Variants in TCTN1 observed in about 807,000 individuals in gnomAD.
TCTN1 encodes tectonic family member 1, also known as tectonic-1.
In TCTN1, 58 loss-of-function variants were observed where a neutral mutation model predicts 65.8. The ratio of observed to expected loss-of-function variants is 0.88; its 90% confidence interval spans 0.71 to 1.10. TCTN1 has a LOEUF of 1.10. TCTN1 is among the 50% of genes least tolerant of loss of function. The pLI is 0.00. For synonymous variants in TCTN1, 273 were observed against 289.1 expected, an observed-to-expected ratio of 0.94 and a Z score of 0.57; for missense variants, 645 against 719.4, an observed-to-expected ratio of 0.90 and a Z score of 1.18.
chr12:110,616,725 A>G (rs1015623805), intron 1 of TCTN1: 3 of 152,336 alleles, frequency 2.0e-5, no homozygotes, highest in Non-Finnish European at 4.4e-5. Flanking sequence ...TTTCAGGTGG[A>G]TAAATTATTT....
rs2065840091 is a variant in TCTN1, at chr12:110,626,343, T to C, written c.342-19T>C. The C allele has an allele frequency of 1.9e-6, 3 of 1,551,904 alleles. No homozygotes were observed. In the Admixed American group the frequency reaches 5.9e-5, roughly 30 times the overall value. On this transcript the variant is annotated intron_variant, in intron 2 of 14. Transcript: ENST00000397659. Reference sequence around the variant, plus strand: ...GCTTATGTCTTGTAACTTTGTATTATTATTTTTTTAATTTTCAGGGGCGAC... The same window carrying C: ...GCTTATGTCTTGTAACTTTGTATTACTATTTTTTTAATTTTCAGGGGCGAC...
chr12:110,616,270 G>A (rs1211302482), intron 1 of TCTN1: 2 of 424,626 alleles, frequency 4.7e-6, no homozygotes, highest in African/African-American at 2.1e-5. Context: ...TTTTTTTTTG[G>A]TCACAGGGTC....
intron 2 of TCTN1, among the ~76,000 whole-genome samples, chr12:110,621,043 G>A (rs1251171325): frequency 6.6e-6 from 1 of 152,168 alleles, no homozygotes; most frequent in African/African-American, 2.4e-5. Flanking sequence ...GACCTCAGGT[G>A]ATCCGCCCTC....
At chr12:110,627,161 G>A (rs377167483) in intron 3 of TCTN1, among the ~76,000 whole-genome samples, 12 of 141,214 alleles carry the variant, frequency 8.5e-5, no homozygotes, top group South Asian at 2.3e-4. Context: ...GCAGTGGCAC[G>A]TTCTCAGCTC....
Position 110,626,435 on chromosome 12 carries a change from G to C in TCTN1, c.415G>C (p.Val139Leu), listed in dbSNP as rs2065846570. Residue 139 changes from valine to leucine, a missense_variant, in exon 3 of 15, where the codon GTA becomes CTA. Transcript: ENST00000397659. Reference sequence around the variant, plus strand: ...TTTTACAGCAAACCCACCTCAAAGAGTATTTGAACTTGTTGACCAGATTAA... The same window carrying C: ...TTTTACAGCAAACCCACCTCAAAGACTATTTGAACTTGTTGACCAGATTAA... Reference protein sequence around the residue: ...LNFTANPPQRVFELVDQINPS... With the variant: ...LNFTANPPQRLFELVDQINPS... The C allele has an allele frequency of 6.2e-7, 1 of 1,611,500 alleles. No individual in the cohort carries two copies. The highest frequency in any genetic ancestry group is 8.5e-7 in the Non-Finnish European group (1 of 1,178,538).
intron 2 of TCTN1, among the ~76,000 whole-genome samples, chr12:110,626,100 T>C (rs1035895545): frequency 5.9e-5 from 9 of 151,268 alleles, no homozygotes; most frequent in African/African-American, 1.9e-4. Flanking sequence ...TTTCTTTTTT[T>C]TTTTGTGAGA....
chr12:110,645,850 C>G (rs145089542), intron 12 of TCTN1: 1 of 153,152 alleles, frequency 6.5e-6, no homozygotes, highest in East Asian at 1.9e-4. Flanking sequence ...TCATTATCCG[C>G]TCCGAATATT....
In TCTN1 at chr12:110,645,130, G is replaced by A. The variant is rs1165243207; in HGVS notation, c.1494+1G>A. The A allele has an allele frequency of 6.2e-7, 1 of 1,613,918 alleles. No individual in the cohort carries two copies. Among genetic ancestry groups the A allele is most frequent in the East Asian group, 2.2e-5 (1 of 44,884 alleles). On this transcript the variant is annotated splice_donor_variant, in intron 12 of 14. Transcript: ENST00000397659. LOFTEE classifies it high-confidence loss of function. ...CATCACCCAGTCATTCAACAGGAAG[G>A]TAAAGGGGAGAAGGTACAGGTTCCA...
At chr12:110,637,216 C>T (rs971013582) in intron 7 of TCTN1, among the ~76,000 whole-genome samples, 1 of 152,216 alleles carries the variant, frequency 6.6e-6, no homozygotes. Context: ...ACACCGTGGT[C>T]TCCCTTTGTT....
At position 110,645,357 on chromosome 12, in the gene TCTN1, A is replaced by G. The variant is rs1002164780; in HGVS notation, c.1494+228A>G. 6 of 562,622 alleles carry G rather than the reference A, an allele frequency of 1.1e-5. No individual in the cohort carries two copies. In the African/African-American group the frequency reaches 1.1e-4, roughly 11 times the overall value. The allele number at this position is 562,622 out of a possible 1,614,324, so 34.9% of individuals were successfully genotyped here. A position where few individuals can be genotyped will look rare whatever the true frequency, so the allele number is the denominator to read the frequency against. ...ATCTGTGAAATGGGAACGCTAGTCAATAGTGAGTGAATGGCCTCATGGGGC... is the reference window on the plus strand; with the variant it reads ...ATCTGTGAAATGGGAACGCTAGTCAGTAGTGAGTGAATGGCCTCATGGGGC... On this transcript the variant is annotated intron_variant, in intron 12 of 14. Coordinates refer to ENST00000397659, the MANE Select transcript of TCTN1 (RefSeq NM_001082538.3).
intron 5 of TCTN1, 32 bp downstream of exon 5, chr12:110,632,591 C>A: frequency 6.2e-7 from 1 of 1,606,784 alleles, no homozygotes; most frequent in Non-Finnish European, 8.5e-7. Context: ...TTTCCTTAGA[C>A]ATTTGCTGTT....
rs372426376 is a variant in TCTN1, at chr12:110,640,710, C to A, written c.978+193C>A. Among the ~76,000 whole-genome samples, 3 of 152,180 alleles carry A rather than the reference C, an allele frequency of 2.0e-5. No homozygotes were observed. The East Asian group carries it at 5.8e-4, about 29-fold the overall frequency. On this transcript the variant is annotated intron_variant, in intron 8 of 14. Coordinates refer to ENST00000397659, the MANE Select transcript of TCTN1 (RefSeq NM_001082538.3). The surrounding 1 kb of genome is among the most constrained non-coding windows in gnomAD (Gnocchi z 4.9). ...TTGTCTCCACAAACTTAGTGACTTG[C>A]CGGAATACATCAAAATATTTTTGTT... is the stretch of plus-strand genomic sequence containing the variant.
chr12:110,636,876 A>G (rs1340835264), intron 7 of TCTN1, among the ~76,000 whole-genome samples: 1 of 152,194 alleles, frequency 6.6e-6, no homozygotes. Flanking sequence ...AGCCATAAGC[A>G]CTTTGGCCAG....
Position 110,614,387 on chromosome 12 carries a change from AC to A in TCTN1, c.209del (p.Pro70GlnfsTer60). The A allele has an allele frequency of 6.3e-7, 1 of 1,599,698 alleles. No homozygotes were observed. Among genetic ancestry groups the A allele is most frequent in the Admixed American group, 1.7e-5 (1 of 58,130 alleles). Reference protein sequence around the residue: ...APGPSSGPRPTPVTDVAVLCV... With the variant: ...APGPSSGPRPXPVTDVAVLCV... ...AGGGCCCTCCTCCGGCCCCAGGCCT[AC>A]CCCAGTCACGGACGGTGGGTACCAT... On this transcript the variant is annotated frameshift_variant, in exon 1 of 15. Coordinates refer to ENST00000397659, the MANE Select transcript of TCTN1 (RefSeq NM_001082538.3). LOFTEE classifies it high-confidence loss of function.
In TCTN1 at chr12:110,641,124, A is replaced by G. The variant is rs774343613; in HGVS notation, c.1079A>G (p.Gln360Arg). The G allele has an allele frequency of 6.2e-7, 1 of 1,614,264 alleles. No homozygotes were observed. The highest frequency in any genetic ancestry group is 8.5e-7 in the Non-Finnish European group (1 of 1,180,052). Residue 360 changes from glutamine to arginine, a missense_variant, in exon 9 of 15, where the codon CAA becomes CGA. Physicochemically the swap from Gln to Arg is conservative, Grantham distance 43. Transcript: ENST00000397659. ...TVSSVVVPLQQKFEIHFLQEN... is the reference protein window; with the variant it reads ...TVSSVVVPLQRKFEIHFLQEN... ...AGCAGCGTAGTGGTCCCACTGCAGC[A>G]AAAGTTTGAAATTCATTTTCTTCAG... is the stretch of plus-strand genomic sequence containing the variant.
At chr12:110,620,667 T>C (rs2065359795) in intron 2 of TCTN1, among the ~76,000 whole-genome samples, 1 of 152,156 alleles carries the variant, frequency 6.6e-6, no homozygotes, top group South Asian at 2.1e-4. Context: ...ATAAGAAATC[T>C]GTACTTTTCT....
chr12:110,628,988 G>A, intron 4 of TCTN1, 70 bp downstream of exon 4: 1 of 1,588,890 alleles, frequency 6.3e-7, no homozygotes, highest in Non-Finnish European at 8.6e-7. Context: ...AATTTTCAAG[G>A]TTACCAGGAA....
intron 11 of TCTN1, among the ~76,000 whole-genome samples, chr12:110,642,800 A>C (rs2067046289): frequency 2.0e-5 from 3 of 150,596 alleles, no homozygotes. Context: ...TCTGTCACCC[A>C]GTCTGGAGTG....
intron 2 of TCTN1, among the ~76,000 whole-genome samples, chr12:110,622,769 A>G (rs2065532768): frequency 6.6e-6 from 1 of 152,188 alleles, no homozygotes; most frequent in Admixed American, 6.6e-5. Context: ...CTCTGTCCTG[A>G]AGTCCACAGG....
Sources: gnomAD v4.1 joint callset for allele counts (sites outside exome capture counted in the v4.1 genomes callset) on GRCh38, gnomAD v4.1.1 for gene constraint, Gnocchi (gnomAD v3.1) non-coding constraint, MANE v1.5 for transcripts, NCBI Gene and HGNC (gene_info 2026-07-23, HGNC 2026-07-21) for gene names.